Variants in DMD observed in about 807,000 individuals in gnomAD.
The protein encoded by DMD is mutant dystrophin.
DMD carries 63 observed loss-of-function variants against 330.1 expected under a neutral mutation model. That is an observed-to-expected ratio of 0.19 (90% CI 0.16 to 0.24). The LOEUF (loss-of-function observed/expected upper bound fraction) is 0.24. Ranked by LOEUF, DMD falls within the 10% of genes least tolerant of loss-of-function variation. The pLI, the probability that DMD is intolerant of heterozygous loss-of-function variation, is 1.00. For synonymous variants in DMD, 1,223 were observed against 959.8 expected (o/e 1.27, Z -5.07); for missense variants, 3,344 against 2,684.1 (o/e 1.25, Z -5.43).
intron 8 of DMD, among the ~76,000 whole-genome samples, chrX:32,698,522 A>T (rs2063827560): frequency 1.8e-5 from 2 of 111,824 alleles, no homozygotes; most frequent in South Asian, 7.5e-4. Context: ...AAAACATCCA[A>T]ACCACCCACT....
At chrX:32,940,660 G>T (rs768948093) in intron 2 of DMD, among the ~76,000 whole-genome samples, 2 of 111,623 alleles carry the variant, frequency 1.8e-5, no homozygotes, top group Non-Finnish European at 3.8e-5. Flanking sequence ...AACCCAAGAT[G>T]ATTAAAGATT....
chrX:33,009,093 C>A lies in DMD; in HGVS notation c.93+11046G>T, dbSNP rs1284296543. Among the ~76,000 whole-genome samples, 4 of 24,984 alleles carry A rather than the reference C, an allele frequency of 1.6e-4. 1 individual carries two copies. The highest frequency in any genetic ancestry group is 1.2e-3 in the Admixed American group (2 of 1,694). 21.7% of individuals were successfully genotyped at this position (24,984 alleles called of 115,157 possible). On this transcript the variant is annotated intron_variant, in intron 2 of 78. Coordinates refer to ENST00000357033, the MANE Select transcript of DMD (RefSeq NM_004006.3). ...ACATATACATATATGTGTATATATA[C>A]GTATATATGTATATATATGTGTATA...
At chrX:31,835,143 T>A (rs1005362667) in intron 49 of DMD, among the ~76,000 whole-genome samples, 2 of 111,539 alleles carry the variant, frequency 1.8e-5, no homozygotes, top group Non-Finnish European at 3.8e-5. Context: ...AAAGCAAAAA[T>A]TTTCTCAGTG....
intron 2 of DMD, among the ~76,000 whole-genome samples, chrX:32,878,968 A>C (rs949197417): frequency 6.5e-4 from 69 of 106,907 alleles, no homozygotes; most frequent in Non-Finnish European, 1.2e-3. Context: ...AGACAGCACC[A>C]CTGCACTCTA....
At chrX:31,412,992 T>G (rs1411867435) in intron 60 of DMD, among the ~76,000 whole-genome samples, 1 of 111,903 alleles carries the variant, frequency 8.9e-6, no homozygotes, top group East Asian at 2.8e-4. Flanking sequence ...TGTTATCTTC[T>G]TACTGAACAT....
chrX:31,678,654 G>A (rs149861033), intron 53 of DMD, among the ~76,000 whole-genome samples: 74 of 111,222 alleles, frequency 6.7e-4, no homozygotes, highest in Non-Finnish European at 1.3e-3. Context: ...GGGAGAAAGT[G>A]AGAGTACTCC....
intron 49 of DMD, among the ~76,000 whole-genome samples, chrX:31,825,022 G>T (rs1308376357): frequency 9.0e-6 from 1 of 111,676 alleles, no homozygotes; most frequent in African/African-American, 3.3e-5. Flanking sequence ...CCTCTGATTA[G>T]TCAGGAAAAC....
chrX:31,199,225 T>A (rs1035545926), intron 67 of DMD, among the ~76,000 whole-genome samples: 1 of 105,995 alleles, frequency 9.4e-6, no homozygotes. Flanking sequence ...CCATGGAATA[T>A]GAGAAAGGAA....
intron 43 of DMD, among the ~76,000 whole-genome samples, chrX:32,242,449 C>T (rs927669767): frequency 1.8e-5 from 2 of 111,767 alleles, no homozygotes; most frequent in Non-Finnish European, 3.8e-5. Flanking sequence ...GAAATACCAC[C>T]TTTAACATTA....
chrX:32,610,244 C>G (rs2057061897), intron 12 of DMD, among the ~76,000 whole-genome samples: 1 of 111,210 alleles, frequency 9.0e-6, no homozygotes, highest in East Asian at 2.8e-4. Context: ...TAAAGCAAAC[C>G]TCTAAATTCT....
chrX:32,159,233 C>T (rs1211687061), intron 44 of DMD, among the ~76,000 whole-genome samples: 1 of 112,034 alleles, frequency 8.9e-6, no homozygotes, highest in Non-Finnish European at 1.9e-5. Flanking sequence ...TTAACTTTGT[C>T]TTATCAACAG....
At chrX:31,186,442 T>C (rs2041785469) in intron 67 of DMD, among the ~76,000 whole-genome samples, 1 of 111,169 alleles carries the variant, frequency 9.0e-6, no homozygotes, top group Non-Finnish European at 1.9e-5. Flanking sequence ...TAAGTGGGAG[T>C]TAAATGATGA....
intron 7 of DMD, among the ~76,000 whole-genome samples, chrX:32,792,066 G>A (rs141038625): frequency 9.0e-6 from 1 of 111,640 alleles, no homozygotes; most frequent in Non-Finnish European, 1.9e-5. Flanking sequence ...TTACAGGCCA[G>A]AGAAGAATGA....
At chrX:31,342,309 C>A (rs751766937) in intron 61 of DMD, among the ~76,000 whole-genome samples, 24 of 111,676 alleles carry the variant, frequency 2.1e-4, no homozygotes, top group Non-Finnish European at 3.9e-4. Flanking sequence ...AAGCATCTGG[C>A]AAATACCACA....
intron 78 of DMD, among the ~76,000 whole-genome samples, chrX:31,125,807 C>T (rs1280914058): frequency 8.9e-6 from 1 of 112,132 alleles, no homozygotes; most frequent in Non-Finnish European, 1.9e-5. Context: ...TTTTAAAAAC[C>T]TCTCAAAACT....
intron 44 of DMD, among the ~76,000 whole-genome samples, chrX:31,970,294 G>A (rs887304711): frequency 1.8e-5 from 2 of 110,155 alleles, no homozygotes; most frequent in South Asian, 3.8e-4. Context: ...AAGAAAGGAA[G>A]GGAGGAAGTT....
intron 1 of DMD, among the ~76,000 whole-genome samples, chrX:33,270,050 C>T (rs1242016315): frequency 9.1e-6 from 1 of 110,420 alleles, no homozygotes; most frequent in Non-Finnish European, 1.9e-5. Context: ...GCTTTCTTTA[C>T]TCTACCCTGA....
chrX:32,698,421 TGA>T (rs1438811620), intron 8 of DMD, among the ~76,000 whole-genome samples: 2 of 111,436 alleles, frequency 1.8e-5, no homozygotes, highest in Non-Finnish European at 3.8e-5. Flanking sequence ...CTCAGCAAAG[TGA>T]GAGAGTTTGG....
chrX:32,502,585 T>A (rs928673826), intron 18 of DMD, among the ~76,000 whole-genome samples: 1 of 112,154 alleles, frequency 8.9e-6, no homozygotes, highest in Non-Finnish European at 1.9e-5. Flanking sequence ...ATTACTATAA[T>A]CATCAAGAAG....
Sources: gnomAD v4.1 joint callset for allele counts (sites outside exome capture counted in the v4.1 genomes callset) on GRCh38, gnomAD v4.1.1 for gene constraint, MANE v1.5 for transcripts, NCBI Gene and HGNC (gene_info 2026-07-23, HGNC 2026-07-21) for gene names.